Variants in TNRC18 observed in about 807,000 individuals in gnomAD.
TNRC18 encodes the protein trinucleotide repeat containing 18.
TNRC18 carries 69 observed loss-of-function variants against 226.7 expected under a neutral mutation model. That is an observed-to-expected ratio of 0.30 (90% CI 0.25 to 0.37). The LOEUF (loss-of-function observed/expected upper bound fraction) is 0.37, where lower values mean the gene tolerates loss of function less well. Ranked by LOEUF, TNRC18 falls within the 10% of genes least tolerant of loss-of-function variation. TNRC18 has a pLI of 1.00. For synonymous variants in TNRC18, 2,449 were observed against 1,927.6 expected, an observed-to-expected ratio of 1.27 and a Z score of -7.09; for missense variants, 4,754 against 4,256.6, an observed-to-expected ratio of 1.12 and a Z score of -3.25.
intron 2 of TNRC18, among the ~76,000 whole-genome samples, chr7:5,396,837 C>G (rs1035844177): frequency 2.0e-5 from 3 of 152,160 alleles, no homozygotes; most frequent in Non-Finnish European, 4.4e-5. Flanking sequence ...CTCACAGATC[C>G]CAGTCCAGCC....
chr7:5,339,479 T>A (rs1334246275), intron 18 of TNRC18, among the ~76,000 whole-genome samples: 2 of 151,142 alleles, frequency 1.3e-5, no homozygotes, highest in Non-Finnish European at 3.0e-5. Context: ...ACCTCTGATG[T>A]TCTATCTGCC....
Position 5,324,775 on chromosome 7 carries a change from T to A in TNRC18, c.6300+321A>T, listed in dbSNP as rs998629900. Among the ~76,000 whole-genome samples the A allele has an allele frequency of 6.6e-6, 1 of 152,078 alleles. No individual in the cohort carries two copies. The highest frequency in any genetic ancestry group is 1.5e-5 in the Non-Finnish European group (1 of 68,018). On this transcript the variant is annotated intron_variant, in intron 20 of 29. Transcript: ENST00000430969. This position sits in a 1 kb window ranked among gnomAD's most constrained non-coding sequence, Gnocchi z 4.8. ...GAGTGGACATGCCATCATCTGCCACTCGGGCAGATTCACCCAAGCCTGAGG... is the reference window on the plus strand; with the variant it reads ...GAGTGGACATGCCATCATCTGCCACACGGGCAGATTCACCCAAGCCTGAGG...
chr7:5,380,362 C>T (rs951719456), intron 5 of TNRC18, among the ~76,000 whole-genome samples: 4 of 152,252 alleles, frequency 2.6e-5, no homozygotes, highest in African/African-American at 7.2e-5. Context: ...AGGAGGATGG[C>T]TTGAGCCCAG....
At chr7:5,401,885 G>A (rs536629336) in intron 2 of TNRC18, among the ~76,000 whole-genome samples, 94 of 152,160 alleles carry the variant, frequency 6.2e-4, no homozygotes, top group African/African-American at 2.1e-3. Context: ...GCTTAAGAAC[G>A]GCCTGGTTGG....
In TNRC18 at chr7:5,320,693, G is replaced by C. The variant is rs1788261421; in HGVS notation, c.6561-86C>G. On this transcript the variant is annotated intron_variant, in intron 22 of 29. Transcript: ENST00000430969. ...CCCACCAGCACAGCACTGCCTCCTA[G>C]ACCACTGGGAGGTAACACCAGGACT... is the stretch of plus-strand genomic sequence containing the variant. 4.4e-6 allele frequency: 5 copies of C among 1,138,450 alleles called. No homozygotes were observed. The African/African-American group carries it at 4.6e-5, about 11-fold the overall frequency. The allele number at this position is 1,138,450 out of a possible 1,614,324, so 70.5% of individuals were successfully genotyped here.
At chr7:5,311,524 C>A (rs1583718439) in intron 27 of TNRC18, among the ~76,000 whole-genome samples, 1 of 152,176 alleles carries the variant, frequency 6.6e-6, no homozygotes, top group East Asian at 1.9e-4. Flanking sequence ...CACTCAAATG[C>A]CACACACAAC....
At chr7:5,406,239 A>T (rs1242147458) in intron 2 of TNRC18, among the ~76,000 whole-genome samples, 3 of 151,240 alleles carry the variant, frequency 2.0e-5, no homozygotes, top group Non-Finnish European at 4.4e-5. Context: ...CCGACGGGCA[A>T]ATCATTCGAA....
At chr7:5,345,517 G>GGGGGGGGGGGGCCCCCCCCCC in intron 18 of TNRC18, 45 bp downstream of exon 18, 3 of 377,740 alleles carry the variant, frequency 7.9e-6, no homozygotes, top group East Asian at 4.6e-5. Flanking sequence ...AATGGCGTCC[G>GGGGGGGGGGGGCCCCCCCCCC]CCCCTCCCAC....
At chr7:5,326,996 C>CGGGT in intron 19 of TNRC18, among the ~76,000 whole-genome samples, 1 of 151,668 alleles carries the variant, frequency 6.6e-6, no homozygotes, top group East Asian at 1.9e-4. Flanking sequence ...TGGTGGCACA[C>CGGGT]GCCTGTAGTC....
In TNRC18 at chr7:5,345,693, C is replaced by T. The variant is rs1374296244; in HGVS notation, c.5588G>A (p.Ser1863Asn). The change falls in exon 18 of 30, where the codon AGT (serine) becomes AAT (asparagine). Residue 1863 changes from serine to asparagine, a missense_variant. By Grantham distance (46) the Ser-to-Asn change is conservative. Coordinates refer to ENST00000430969, the MANE Select transcript of TNRC18 (RefSeq NM_001080495.3). The part of the protein sequence containing the change: ...ERALSPGLEE[S>N]GLGLLARFAA... ...GAAGCGTGCCAGCAGGCCCAGCCCA[C>T]TCTCCTCCAGGCCCGGTGACAGGGC... 1 of 1,549,588 alleles carries T rather than the reference C, an allele frequency of 6.5e-7. No individual in the cohort carries two copies. Among genetic ancestry groups the T allele is most frequent in the Non-Finnish European group, 8.7e-7 (1 of 1,146,908 alleles).
chr7:5,334,575 G>A (rs1293421929), intron 18 of TNRC18, among the ~76,000 whole-genome samples: 2 of 152,060 alleles, frequency 1.3e-5, no homozygotes, highest in Non-Finnish European at 2.9e-5. Flanking sequence ...GGGATTACAG[G>A]TGTGATCATT....
chr7:5,307,641 TG>T lies in TNRC18; in HGVS notation c.*464del. The stretch of plus-strand genomic sequence containing the variant: ...TCGGGCTGCCCTGTCCCATGCACGG[TG>T]GGAGGCCTTGGGGTGGGCTCCATGC... On this transcript the variant is annotated 3_prime_UTR_variant, in exon 30 of 30. Coordinates refer to ENST00000430969, the MANE Select transcript of TNRC18 (RefSeq NM_001080495.3). The T allele has an allele frequency of 2.5e-6, 1 of 397,700 alleles. No individual in the cohort carries two copies. Among genetic ancestry groups the T allele is most frequent in the South Asian group, 1.7e-5 (1 of 57,204 alleles). 24.6% of individuals were successfully genotyped at this position (397,700 alleles called of 1,614,324 possible).
intron 11 of TNRC18, among the ~76,000 whole-genome samples, chr7:5,364,020 G>A (rs538137856): frequency 1.3e-5 from 2 of 152,096 alleles, no homozygotes; most frequent in East Asian, 1.9e-4. Context: ...AAAATAAGCC[G>A]GGTGCAGTGG....
chr7:5,310,927 C>T (rs898800223), intron 27 of TNRC18, among the ~76,000 whole-genome samples: 12 of 149,384 alleles, frequency 8.0e-5, no homozygotes, highest in Admixed American at 2.0e-4. Context: ...TGTGTGTGCA[C>T]GTGTTCGTGT....
chr7:5,415,400 G>A (rs1376228763), intron 2 of TNRC18, among the ~76,000 whole-genome samples: 33 of 118,670 alleles, frequency 2.8e-4, no homozygotes, highest in Non-Finnish European at 1.2e-4. Context: ...TTTTTGAGAT[G>A]GAGTCTGTCT....
intron 18 of TNRC18, among the ~76,000 whole-genome samples, chr7:5,339,541 A>ATG (rs71536907): frequency 0.056 from 7,685 of 137,058 alleles, 245 homozygotes; most frequent in Middle Eastern, 0.1. Context: ...TGCCCAGCCA[A>ATG]TGTGTGTGTG....
chr7:5,314,154 TAG>T (rs1787604309), intron 26 of TNRC18, among the ~76,000 whole-genome samples: 1 of 151,682 alleles, frequency 6.6e-6, no homozygotes. Flanking sequence ...TTTTTTTTTG[TAG>T]AGATACAGTT....
Position 5,345,815 on chromosome 7 carries a change from C to T in TNRC18, c.5471-5G>A, listed in dbSNP as rs890533285. On this transcript the variant is annotated splice_region_variant and splice_polypyrimidine_tract_variant and intron_variant, in intron 17 of 29. Coordinates refer to ENST00000430969, the MANE Select transcript of TNRC18 (RefSeq NM_001080495.3). ...CCTCCTCCTCCGAGCTCTCATCTGGCGTGCAGAAAACAGGGACCGAGTCAG... is the reference window on the plus strand; with the variant it reads ...CCTCCTCCTCCGAGCTCTCATCTGGTGTGCAGAAAACAGGGACCGAGTCAG... 2.7e-5 allele frequency: 42 copies of T among 1,539,760 alleles called. No homozygotes were observed. In the East Asian group the frequency reaches 5.4e-4, roughly 20 times the overall value.
At chr7:5,350,231 G>A (rs1282146143) in intron 17 of TNRC18, among the ~76,000 whole-genome samples, 4 of 152,078 alleles carry the variant, frequency 2.6e-5, no homozygotes, top group African/African-American at 9.7e-5. Flanking sequence ...CTGGCCAGTG[G>A]GTCGGGGGCC....
Sources: gnomAD v4.1 joint callset for allele counts (sites outside exome capture counted in the v4.1 genomes callset) on GRCh38, gnomAD v4.1.1 for gene constraint, Gnocchi (gnomAD v3.1) non-coding constraint, MANE v1.5 for transcripts, NCBI Gene and HGNC (gene_info 2026-07-23, HGNC 2026-07-21) for gene names.